Variants in USF3 observed in about 807,000 individuals in gnomAD.
USF3 encodes the protein upstream transcription factor family member 3, also known as basic helix-loop-helix domain-containing protein USF3.
Under a neutral mutation model 157.5 loss-of-function variants are expected in USF3, and 29 were observed. That is an observed-to-expected ratio of 0.18 (90% CI 0.14 to 0.25). USF3 has a LOEUF of 0.25. Ranked by LOEUF, USF3 falls within the 10% of genes least tolerant of loss-of-function variation. The pLI is 1.00. For synonymous variants in USF3, 893 were observed against 941.4 expected, an observed-to-expected ratio of 0.95 and a Z score of 0.94; for missense variants, 2,381 against 2,667.6, an observed-to-expected ratio of 0.89 and a Z score of 2.37.
Position 113,649,539 on chromosome 3 carries a change from C to A in USF3, c.*5405G>T. On this transcript the variant is annotated 3_prime_UTR_variant, in exon 7 of 7. Transcript: ENST00000316407. Reference sequence around the variant, plus strand: ...TTTGTTTTTTTTTACAAATCAACATCAAAGATGGCTCAGAGAATGGTAAGG... The same window carrying A: ...TTTGTTTTTTTTTACAAATCAACATAAAAGATGGCTCAGAGAATGGTAAGG... 3.1e-6 allele frequency: 1 copy of A among 324,090 alleles called. No homozygotes were observed. Among genetic ancestry groups the A allele is most frequent in the Non-Finnish European group, 5.6e-6 (1 of 179,812 alleles). 20.1% of individuals were successfully genotyped at this position (324,090 alleles called of 1,614,324 possible).
In USF3 at chr3:113,673,335, A is replaced by T; in HGVS notation, c.76+13T>A. On this transcript the variant is annotated intron_variant, in intron 4 of 6. Transcript: ENST00000316407. ...CAAAAAATGCTAACAGGTAAAATTT[A>T]AATTGTTTCTACCTGCATTGTGTGT... 6.3e-7 allele frequency: 1 copy of T among 1,589,926 alleles called. No homozygotes were observed. Among genetic ancestry groups the T allele is most frequent in the Non-Finnish European group, 8.6e-7 (1 of 1,161,982 alleles).
rs769859695 is a variant in USF3, at chr3:113,655,931, T to C, written c.5751A>G (p.Val1917=). The change falls in exon 7 of 7, where the codon GTA becomes GTG. Residue 1917 remains valine (V), a synonymous_variant. Coordinates refer to ENST00000316407, the MANE Select transcript of USF3 (RefSeq NM_001009899.4). Reference sequence around the variant, plus strand: ...TAATCCTCATGGGATTGGATTTCTGTACAGAAACATTGGGGCTTGTGTTTC... The same window carrying C: ...TAATCCTCATGGGATTGGATTTCTGCACAGAAACATTGGGGCTTGTGTTTC... The part of the protein sequence containing the change: ...QGRNTSPNVS[V]QKSNPMRITE... 5 of 1,614,164 alleles carry C rather than the reference T, an allele frequency of 3.1e-6. No individual in the cohort carries two copies. In the South Asian group the frequency reaches 3.3e-5, roughly 11 times the overall value.
chr3:113,659,397 G>A lies in USF3; in HGVS notation c.2285C>T (p.Thr762Ile). 6.2e-7 allele frequency: 1 copy of A among 1,614,226 alleles called. No individual in the cohort carries two copies. Among genetic ancestry groups the A allele is most frequent in the Non-Finnish European group, 8.5e-7 (1 of 1,180,040 alleles). The change falls in exon 7 of 7, where the codon ACA becomes ATA. Residue 762 changes from threonine (T) to isoleucine (I), a missense_variant. By Grantham distance (89) the Thr-to-Ile change is moderately conservative (BLOSUM62 -1). Around this residue, in one of 6 missense-constraint regions of USF3, gnomAD observed 1,435 missense variants for 1,550.9 expected, o/e 0.93. Coordinates refer to ENST00000316407, the MANE Select transcript of USF3 (RefSeq NM_001009899.4). ...SLTTTAAPPV[T>I]TDSSATLAST... ...AGCTAGTGTGGCTGAACTATCTGTT[G>A]TCACAGGAGGTGCTGCAGTTGTTGT...
rs767983835 is a variant in USF3, at chr3:113,656,837, C to T, written c.4845G>A (p.Gly1615=). ...QDVGSRQQGS[G]VSSEHVSGHN... is the part of the protein sequence containing the mutation. The stretch of plus-strand genomic sequence containing the variant: ...GGCCAGATACATGTTCAGATGAAAC[C>T]CCTGAACCTTGCTGTCTGCTTCCAA... The change falls in exon 7 of 7, where the codon GGG becomes GGA. Residue 1615 remains glycine (G), a synonymous_variant. Transcript: ENST00000316407. 2 of 1,614,190 alleles carry T rather than the reference C, an allele frequency of 1.2e-6. No individual in the cohort carries two copies. The highest frequency in any genetic ancestry group is 1.7e-6 in the Non-Finnish European group (2 of 1,180,024).
At chr3:113,669,279 C>T (rs1430366891) in intron 5 of USF3, among the ~76,000 whole-genome samples, 2 of 150,954 alleles carry the variant, frequency 1.3e-5, no homozygotes, top group African/African-American at 4.9e-5. Context: ...AATTCAGATA[C>T]AGCAACGTAA....
rs1301849015 is a variant in USF3, at chr3:113,656,861, A to G, written c.4821T>C (p.Val1607=). The change falls in exon 7 of 7, where the codon GTT becomes GTC. Residue 1607 remains valine (V), a synonymous_variant. Transcript: ENST00000316407. Reference sequence around the variant, plus strand: ...CCCCTGAACCTTGCTGTCTGCTTCCAACATCCTGCTGTTGGTGCATAATAT... The same window carrying G: ...CCCCTGAACCTTGCTGTCTGCTTCCGACATCCTGCTGTTGGTGCATAATAT... ...NQDIMHQQQD[V]GSRQQGSGVS... 1 of 1,614,102 alleles carries G rather than the reference A, an allele frequency of 6.2e-7. No homozygotes were observed. Among genetic ancestry groups the G allele is most frequent in the African/African-American group, 1.3e-5 (1 of 74,934 alleles).
chr3:113,679,411 CTT>C (rs34641216), intron 1 of USF3, among the ~76,000 whole-genome samples: 1,480 of 117,982 alleles, frequency 0.013, 10 homozygotes, highest in African/African-American at 0.025. Flanking sequence ...AGAGAAAGTT[CTT>C]TTTTTTTTTT....
At chr3:113,684,350 T>C (rs985213389) in intron 1 of USF3, among the ~76,000 whole-genome samples, 2 of 152,126 alleles carry the variant, frequency 1.3e-5, no homozygotes, top group African/African-American at 4.8e-5. Flanking sequence ...GAGTTAATTT[T>C]TCTTGATCGT....
At chr3:113,690,577 C>T (rs866898139) in intron 1 of USF3, among the ~76,000 whole-genome samples, 1 of 152,170 alleles carries the variant, frequency 6.6e-6, no homozygotes, top group Non-Finnish European at 1.5e-5. Flanking sequence ...CTACCCTTCC[C>T]TCCTCTTCAA....
In USF3 at chr3:113,657,800, T is replaced by C; in HGVS notation, c.3882A>G (p.Glu1294=). ...TAGTATTTAGCTGTTCTTGGGAATA[T>C]TCAGTCATCAGAGATGGTCCAGGAG... The part of the protein sequence containing the change: ...SQPPGPSLMT[E]YSQEQLNTMT... The change falls in exon 7 of 7, where the codon GAA becomes GAG. Residue 1294 remains glutamate, a synonymous_variant. Coordinates refer to ENST00000316407, the MANE Select transcript of USF3 (RefSeq NM_001009899.4). 3 of 1,614,174 alleles carry C rather than the reference T, an allele frequency of 1.9e-6. No individual in the cohort carries two copies. Among genetic ancestry groups the C allele is most frequent in the Non-Finnish European group, 2.5e-6 (3 of 1,180,038 alleles).
chr3:113,653,895 T>C lies in USF3; in HGVS notation c.*1049A>G, dbSNP rs1331672523. The C allele has an allele frequency of 6.6e-6, 1 of 152,212 alleles. No homozygotes were observed. The highest frequency in any genetic ancestry group is 1.5e-5 in the Non-Finnish European group (1 of 68,042). The allele number at this position is 152,212 out of a possible 1,614,324, so 9.4% of individuals were successfully genotyped here. A position where few individuals can be genotyped will look rare whatever the true frequency, so the allele number is the denominator to read the frequency against. ...AATAATGAAATATACAATGCCATAT[T>C]TAAAATATAAATGCTATCAGTAAAT... On this transcript the variant is annotated 3_prime_UTR_variant, in exon 7 of 7. Coordinates refer to ENST00000316407, the MANE Select transcript of USF3 (RefSeq NM_001009899.4).
chr3:113,658,846 G>C lies in USF3; in HGVS notation c.2836C>G (p.Pro946Ala). Reference protein sequence around the residue: ...KPCASANVLIPSPSDPHILVS... With the variant: ...KPCASANVLIASPSDPHILVS... ...AAAATGTGAGGATCACTTGGAGATG[G>C]AATCAATACATTGGCTGAAGCGCAG... is the stretch of plus-strand genomic sequence containing the variant. Residue 946 changes from proline to alanine, a missense_variant, in exon 7 of 7, where the codon CCA becomes GCA. This residue lies in a region of USF3 where 1,435 missense variants were observed against 1,550.9 expected (regional missense o/e 0.93). Transcript: ENST00000316407. 6.2e-7 allele frequency: 1 copy of C among 1,614,170 alleles called. No individual in the cohort carries two copies. Among genetic ancestry groups the C allele is most frequent in the Non-Finnish European group, 8.5e-7 (1 of 1,180,026 alleles).
chr3:113,670,332 T>A, intron 4 of USF3, 129 bp from the exon 5 acceptor site: 1 of 652,762 alleles, frequency 1.5e-6, no homozygotes, highest in Non-Finnish European at 2.8e-6. Flanking sequence ...GGCGTGATGG[T>A]TCACACCTGC....
intron 1 of USF3, among the ~76,000 whole-genome samples, chr3:113,692,752 T>C (rs1390405061): frequency 6.6e-6 from 1 of 152,232 alleles, no homozygotes; most frequent in African/African-American, 2.4e-5. Flanking sequence ...CAACTTATCA[T>C]GTCCTACTGA....
At chr3:113,694,736 A>C (rs1377145630) in intron 1 of USF3, among the ~76,000 whole-genome samples, 2 of 152,232 alleles carry the variant, frequency 1.3e-5, no homozygotes, top group Non-Finnish European at 1.5e-5. Flanking sequence ...AACATCTCAT[A>C]ATGTTTTAAA....
intron 1 of USF3, among the ~76,000 whole-genome samples, chr3:113,689,042 CAAACAAACA>C (rs1707625703): frequency 6.6e-6 from 1 of 151,808 alleles, no homozygotes; most frequent in African/African-American, 2.4e-5. Context: ...AAAAAACAAA[CAAACAAACA>C]AACAAACAAA....
chr3:113,675,449 A>G (rs1344114372), intron 2 of USF3, among the ~76,000 whole-genome samples: 1 of 152,240 alleles, frequency 6.6e-6, no homozygotes, highest in Non-Finnish European at 1.5e-5. Context: ...TTTGACTGTC[A>G]TTAAAATCTG....
chr3:113,667,909 T>C (rs943091882), intron 5 of USF3, among the ~76,000 whole-genome samples: 2 of 151,422 alleles, frequency 1.3e-5, no homozygotes, highest in Admixed American at 6.6e-5. Flanking sequence ...GAAACATATA[T>C]GGAAGTCTAA....
Position 113,654,806 on chromosome 3 carries a change from T to C in USF3, c.*138A>G. 1.1e-6 allele frequency: 1 copy of C among 942,224 alleles called. No individual in the cohort carries two copies. Among genetic ancestry groups the C allele is most frequent in the Non-Finnish European group, 1.5e-6 (1 of 663,444 alleles). 58.4% of individuals were successfully genotyped at this position (942,224 alleles called of 1,614,324 possible). A position where few individuals can be genotyped will look rare whatever the true frequency, so the allele number is the denominator to read the frequency against. ...GTATCTGCATCTGACATGGCTTCCC[T>C]ACATTCAGAAGATAACTGAAAACTG... On this transcript the variant is annotated 3_prime_UTR_variant, in exon 7 of 7. Transcript: ENST00000316407.
Sources: gnomAD v4.1 joint callset for allele counts (sites outside exome capture counted in the v4.1 genomes callset) on GRCh38, gnomAD v4.1.1 for gene constraint, gnomAD v4.1.1 regional missense constraint, MANE v1.5 for transcripts, NCBI Gene and HGNC (gene_info 2026-07-23, HGNC 2026-07-21) for gene names.